The following GRID2 variants were observed in gnomAD, a reference collection of about 807,000 sequenced individuals.
GRID2 encodes glutamate receptor ionotropic, delta-2.
In GRID2, 33 loss-of-function variants were observed where a neutral mutation model predicts 114.8. The observed-to-expected ratio is 0.29, with a 90% CI of 0.22 to 0.38. The LOEUF is 0.38. Among genes scored for constraint, GRID2 ranks in the 10% least tolerant of loss-of-function variants. GRID2 has a pLI of 1.00. For missense variants in GRID2, 1,184 were observed against 1,257.7 expected (o/e 0.94, Z 0.89); for synonymous variants, 505 against 449.9 (o/e 1.12, Z -1.55).
chr4:93,189,773 C>CCACACACA (rs34137840), intron 4 of GRID2, among the ~76,000 whole-genome samples: 28 of 138,974 alleles, frequency 2.0e-4, no homozygotes, highest in East Asian at 1.7e-3. Context: ...CCACACCACA[C>CCACACACA]CACACACACA....
At chr4:93,398,797 G>A (rs1414972954) in intron 9 of GRID2, among the ~76,000 whole-genome samples, 1 of 149,906 alleles carries the variant, frequency 6.7e-6, no homozygotes. Flanking sequence ...TATCAGTTGG[G>A]TGCCAGTTGA....
chr4:92,412,934 G>T (rs540030869), intron 1 of GRID2, among the ~76,000 whole-genome samples: 1 of 152,262 alleles, frequency 6.6e-6, no homozygotes, highest in African/African-American at 2.4e-5. Context: ...GACAGTCCAA[G>T]GGAGCATTCC....
chr4:93,365,476 C>G (rs1762252691), intron 8 of GRID2, among the ~76,000 whole-genome samples: 1 of 152,138 alleles, frequency 6.6e-6, no homozygotes, highest in Non-Finnish European at 1.5e-5. Context: ...TATGACAGAG[C>G]ATTTATTCCA....
intron 4 of GRID2, among the ~76,000 whole-genome samples, chr4:93,201,146 G>A (rs956603997): frequency 6.6e-6 from 1 of 152,102 alleles, no homozygotes; most frequent in African/African-American, 2.4e-5. Flanking sequence ...ATATCAATCA[G>A]TGAAATAGTA....
At chr4:93,624,825 T>C (rs1462725630) in intron 13 of GRID2, among the ~76,000 whole-genome samples, 1 of 152,194 alleles carries the variant, frequency 6.6e-6, no homozygotes, top group African/African-American at 2.4e-5. Flanking sequence ...GTTGGGCTTT[T>C]ATTGGGTAAA....
At chr4:92,611,070 A>G (rs13120889) in intron 2 of GRID2, among the ~76,000 whole-genome samples, 46 of 134,412 alleles carry the variant, frequency 3.4e-4, no homozygotes, top group African/African-American at 6.0e-4. Flanking sequence ...GTGTGTGTGT[A>G]TATATATATG....
intron 1 of GRID2, among the ~76,000 whole-genome samples, chr4:92,410,807 T>G (rs376144470): frequency 6.6e-6 from 1 of 151,716 alleles, no homozygotes; most frequent in Non-Finnish European, 1.5e-5. Context: ...GGTGTAATAT[T>G]TAACAACCTA....
chr4:92,735,981 C>G (rs962733720), intron 2 of GRID2, among the ~76,000 whole-genome samples: 1 of 152,118 alleles, frequency 6.6e-6, no homozygotes, highest in South Asian at 2.1e-4. Flanking sequence ...ACGTGGTAGA[C>G]AGAAAAAGCC....
intron 8 of GRID2, among the ~76,000 whole-genome samples, chr4:93,348,203 T>C (rs1206886593): frequency 6.6e-6 from 1 of 152,146 alleles, no homozygotes; most frequent in Non-Finnish European, 1.5e-5. Flanking sequence ...AGTAAAACTA[T>C]TCCAAAAGTT....
intron 6 of GRID2, among the ~76,000 whole-genome samples, 196 bp from the exon 7 acceptor site, chr4:93,224,418 A>G (rs960402266): frequency 2.0e-5 from 3 of 152,168 alleles, no homozygotes; most frequent in Non-Finnish European, 1.5e-5. Context: ...AAAGCAATTG[A>G]GGCATACAAT....
intron 8 of GRID2, among the ~76,000 whole-genome samples, chr4:93,307,605 C>T (rs1755569251): frequency 6.6e-6 from 1 of 152,076 alleles, no homozygotes; most frequent in African/African-American, 2.4e-5. Flanking sequence ...CAGATATTAA[C>T]CTGAGAATGG....
intron 2 of GRID2, among the ~76,000 whole-genome samples, chr4:92,633,280 T>C (rs1375777453): frequency 6.6e-6 from 1 of 151,908 alleles, no homozygotes; most frequent in Non-Finnish European, 1.5e-5. Flanking sequence ...TCCCCTATAA[T>C]GTGAAAGGGA....
intron 2 of GRID2, among the ~76,000 whole-genome samples, chr4:92,619,559 A>T (rs1730168683): frequency 6.6e-6 from 1 of 151,526 alleles, no homozygotes; most frequent in African/African-American, 2.4e-5. Flanking sequence ...CATTTTTGGC[A>T]ATTCCCTGAG....
chr4:92,678,873 A>G (rs1171461222), intron 2 of GRID2, among the ~76,000 whole-genome samples: 1 of 151,950 alleles, frequency 6.6e-6, no homozygotes, highest in Non-Finnish European at 1.5e-5. Context: ...CAAAAGTGAA[A>G]CTTGAGGATT....
chr4:93,496,024 C>A (rs1473685059), intron 12 of GRID2, among the ~76,000 whole-genome samples: 1 of 151,320 alleles, frequency 6.6e-6, no homozygotes, highest in Non-Finnish European at 1.5e-5. Flanking sequence ...GTCTACTATT[C>A]GTGGGCCCCA....
At chr4:92,535,376 G>A (rs1429395638) in intron 1 of GRID2, among the ~76,000 whole-genome samples, 1 of 152,010 alleles carries the variant, frequency 6.6e-6, no homozygotes, top group African/African-American at 2.4e-5. Flanking sequence ...CAAGTGCTAT[G>A]ATTAATGCAA....
chr4:92,575,646 C>T (rs926474848), intron 1 of GRID2, among the ~76,000 whole-genome samples: 1 of 152,180 alleles, frequency 6.6e-6, no homozygotes, highest in African/African-American at 2.4e-5. Flanking sequence ...AATATGGCAG[C>T]CTGTCCCTTC....
At chr4:92,652,877 T>A in intron 2 of GRID2, among the ~76,000 whole-genome samples, 1 of 94,764 alleles carries the variant, frequency 1.1e-5, no homozygotes, top group African/African-American at 3.8e-5. Flanking sequence ...TATAAATATA[T>A]AAAAATATAT....
chr4:93,394,415 T>C (rs149516638), intron 8 of GRID2, among the ~76,000 whole-genome samples: 6 of 152,094 alleles, frequency 3.9e-5, no homozygotes, highest in African/African-American at 1.4e-4. Flanking sequence ...ATATATTATG[T>C]ACATTTTCAT....
Sources: gnomAD v4.1 joint callset for allele counts (sites outside exome capture counted in the v4.1 genomes callset) on GRCh38, gnomAD v4.1.1 for gene constraint, MANE v1.5 for transcripts, NCBI Gene and HGNC (gene_info 2026-07-23, HGNC 2026-07-21) for gene names.